Variants in MED12L observed in about 807,000 individuals in gnomAD.
MED12L encodes mediator complex subunit 12L.
A neutral mutation model predicts 281.3 loss-of-function variants in MED12L; 60 were observed. That is an observed-to-expected ratio of 0.21 (90% CI 0.17 to 0.26). The LOEUF is 0.26. Ranked by LOEUF, MED12L falls within the 10% of genes least tolerant of loss-of-function variation. The pLI is 1.00. For synonymous variants in MED12L, 974 were observed against 987.2 expected, an observed-to-expected ratio of 0.99 and a Z score of 0.25; for missense variants, 2,146 against 2,680.9, an observed-to-expected ratio of 0.80 and a Z score of 4.41.
chr3:151,086,739 T>A, intron 1 of MED12L, 59 bp from the exon 2 acceptor site: 1 of 540,434 alleles, frequency 1.9e-6, no homozygotes, highest in Non-Finnish European at 3.3e-6. Flanking sequence ...TCCCCATCAG[T>A]GCGTGTCTGC....
At chr3:151,194,264 G>T (rs546851872) in intron 16 of MED12L, among the ~76,000 whole-genome samples, 146 of 152,274 alleles carry the variant, frequency 9.6e-4, no homozygotes, top group African/African-American at 3.3e-3. Flanking sequence ...ACCGTGCCAG[G>T]CGTAAATGTG....
intron 11 of MED12L, among the ~76,000 whole-genome samples, chr3:151,171,180 G>A (rs1286041650): frequency 6.6e-6 from 1 of 152,130 alleles, no homozygotes; most frequent in African/African-American, 2.4e-5. Flanking sequence ...GGCAAATCCT[G>A]ACATCCACAC....
intron 16 of MED12L, among the ~76,000 whole-genome samples, chr3:151,313,537 T>G (rs1294855613): frequency 1.5e-5 from 2 of 137,622 alleles, no homozygotes; most frequent in African/African-American, 5.2e-5. Flanking sequence ...TAAGGTTGTC[T>G]GAGTTAAAAA....
rs186804734 is a variant in MED12L at position 151,246,911 on chromosome 3, A to T, written c.2250+53245A>T. 1.7e-3 allele frequency among the ~76,000 whole-genome samples: 262 copies of T among 152,326 alleles called. 5 individuals carry two copies. The highest frequency in any genetic ancestry group is 2.9e-4 in the Non-Finnish European group (20 of 68,032). ...TGTCCAGAATCTACAATGAACTGAA[A>T]CAAATTTACAAGAAAAAAACAAACA... is the stretch of plus-strand genomic sequence containing the variant. On this transcript the variant is annotated intron_variant, in intron 16 of 44. Coordinates refer to ENST00000687756, the MANE Select transcript of MED12L (RefSeq NM_001393769.1).
chr3:151,334,888 C>G (rs537817554), intron 16 of MED12L, among the ~76,000 whole-genome samples: 1 of 152,250 alleles, frequency 6.6e-6, no homozygotes, highest in South Asian at 2.1e-4. Flanking sequence ...TCAGCTCTGT[C>G]GTAGCATGAA....
intron 2 of MED12L, among the ~76,000 whole-genome samples, chr3:151,088,108 A>G (rs984625867): frequency 1.1e-4 from 17 of 152,312 alleles, no homozygotes; most frequent in Admixed American, 3.3e-4. Context: ...TTTCCTTTTG[A>G]TAAGTGTATC....
intron 16 of MED12L, chr3:151,338,951 T>C: frequency 4.5e-6 from 5 of 1,118,706 alleles, no homozygotes; most frequent in Non-Finnish European, 6.6e-6. Context: ...CACAGCCTCC[T>C]CTAAAAGTTG....
intron 21 of MED12L, among the ~76,000 whole-genome samples, chr3:151,363,806 T>A (rs1754930664): frequency 6.6e-6 from 1 of 152,118 alleles, no homozygotes; most frequent in Non-Finnish European, 1.5e-5. Context: ...GATTCTATAT[T>A]TTTAACAAAC....
chr3:151,435,105 T>G lies in MED12L; in HGVS notation c.*2301T>G, dbSNP rs1174033885. 6.6e-6 allele frequency: 1 copy of G among 151,728 alleles called. No individual in the cohort carries two copies. Among genetic ancestry groups the G allele is most frequent in the Non-Finnish European group, 1.5e-5 (1 of 67,924 alleles). 9.4% of individuals were successfully genotyped at this position (151,728 alleles called of 1,614,324 possible). On this transcript the variant is annotated 3_prime_UTR_variant, in exon 45 of 45. Coordinates refer to ENST00000687756, the MANE Select transcript of MED12L (RefSeq NM_001393769.1). ...TTTCTTTTCTTGCAAATGCATTCTTTTGCATTAAGATGGTCACAAGGTAAA... is the reference window on the plus strand; with the variant it reads ...TTTCTTTTCTTGCAAATGCATTCTTGTGCATTAAGATGGTCACAAGGTAAA...
intron 16 of MED12L, among the ~76,000 whole-genome samples, chr3:151,201,946 G>T (rs1489379864): frequency 1.3e-5 from 2 of 152,144 alleles, no homozygotes; most frequent in Admixed American, 6.5e-5. Flanking sequence ...TAAGTCTGTT[G>T]TATCAATGAG....
intron 11 of MED12L, among the ~76,000 whole-genome samples, chr3:151,175,807 C>T (rs556024969): frequency 4.4e-4 from 67 of 152,294 alleles, no homozygotes; most frequent in African/African-American, 1.4e-3. Flanking sequence ...CCTTTCTTCA[C>T]ATTTGAGATA....
chr3:151,376,124 A>G lies in MED12L; in HGVS notation c.3963A>G (p.Lys1321=). ...DPVLSNMQAQ[K]LLQLICYPHG... is the part of the protein sequence containing the mutation. ...TGCTTTCAAATATGCAAGCACAGAA[A>G]TTACTGCAGCTTATCTGTTATCCTC... Residue 1321 remains lysine (K), a synonymous_variant, in exon 28 of 45, where the codon AAA becomes AAG. Coordinates refer to ENST00000687756, the MANE Select transcript of MED12L (RefSeq NM_001393769.1). 6.2e-7 allele frequency: 1 copy of G among 1,611,436 alleles called. No individual in the cohort carries two copies. The highest frequency in any genetic ancestry group is 8.5e-7 in the Non-Finnish European group (1 of 1,179,104).
intron 5 of MED12L, among the ~76,000 whole-genome samples, chr3:151,141,166 G>GTATTTTTTTT (rs1716882855): frequency 1.0e-5 from 1 of 98,122 alleles, no homozygotes; most frequent in African/African-American, 5.3e-5. Context: ...CGTGCCTGGC[G>GTATTTTTTTT]TTTTTTTTTT....
intron 32 of MED12L, among the ~76,000 whole-genome samples, chr3:151,381,021 T>A (rs1400249632): frequency 2.6e-5 from 4 of 152,222 alleles, no homozygotes; most frequent in African/African-American, 9.6e-5. Flanking sequence ...GGACATTGCC[T>A]TTTCACCAAA....
intron 16 of MED12L, chr3:151,269,441 A>ACACACACACACAC (rs1559962861): frequency 1.3e-4 from 31 of 231,300 alleles, no homozygotes; most frequent in African/African-American, 3.9e-4. Context: ...ACACACACAC[A>ACACACACACACAC]AAATTCAGAG....
At chr3:151,130,434 C>T (rs1338509956) in intron 5 of MED12L, among the ~76,000 whole-genome samples, 1 of 152,200 alleles carries the variant, frequency 6.6e-6, no homozygotes, top group Non-Finnish European at 1.5e-5. Flanking sequence ...AAACCACCAC[C>T]ACCTTTGCCT....
At chr3:151,191,470 G>A (rs1289225438) in intron 14 of MED12L, among the ~76,000 whole-genome samples, 1 of 152,182 alleles carries the variant, frequency 6.6e-6, no homozygotes, top group Non-Finnish European at 1.5e-5. Context: ...TTTATGCTAT[G>A]AGTGTGACTT....
At chr3:151,293,684 A>G in intron 16 of MED12L, among the ~76,000 whole-genome samples, 2 of 142,378 alleles carry the variant, frequency 1.4e-5, no homozygotes, top group Non-Finnish European at 3.0e-5. Flanking sequence ...CACACCCTCT[A>G]CCTTCATTTC....
chr3:151,104,404 C>T (rs1721756606), intron 2 of MED12L, among the ~76,000 whole-genome samples: 3 of 152,166 alleles, frequency 2.0e-5, no homozygotes, highest in African/African-American at 7.2e-5. Context: ...ACTTCTCAAA[C>T]AGCTATTAAG....
Sources: allele counts gnomAD v4.1 joint callset (sites outside exome capture counted in the v4.1 genomes callset), GRCh38; gene constraint gnomAD v4.1.1; transcripts MANE v1.5; gene names NCBI Gene and HGNC (gene_info 2026-07-23, HGNC 2026-07-21).